ZFR2: variants seen among roughly 807,000 people sequenced by gnomAD.
ZFR2 encodes zinc finger RNA binding protein 2, also known as zinc finger RNA-binding protein 2.
ZFR2 carries 104 observed loss-of-function variants against 105.7 expected under a neutral mutation model. That is an observed-to-expected ratio of 0.98 (90% CI 0.84 to 1.16). The LOEUF (loss-of-function observed/expected upper bound fraction) is 1.16. ZFR2 is among the 50% of genes most tolerant of loss of function. The pLI is 0.00. For missense variants in ZFR2, 1,425 were observed against 1,355.5 expected (o/e 1.05, Z -0.80); for synonymous variants, 634 against 597.7 (o/e 1.06, Z -0.89).
Position 3,821,273 on chromosome 19 carries a change from G to A in ZFR2, c.1631+67C>T, listed in dbSNP as rs575781908. 512 of 1,461,084 alleles carry A rather than the reference G, an allele frequency of 3.5e-4. 3 individuals carry two copies. In the African/African-American group the frequency reaches 6.0e-3, roughly 17 times the overall value. 90.5% of individuals were successfully genotyped at this position (1,461,084 alleles called of 1,614,324 possible). ...AGCTCCGTAATCTGCAGCAGTGGGC[G>A]TCTAGGTTCCACGCTGGACCTGCCC... is the stretch of plus-strand genomic sequence containing the variant. On this transcript the variant is annotated intron_variant, in intron 10 of 18. Coordinates refer to ENST00000262961, the MANE Select transcript of ZFR2 (RefSeq NM_015174.2).
chr19:3,837,408 G>GTGACTGTGGAACTTGATGAACACCA (rs1440828412), intron 1 of ZFR2, among the ~76,000 whole-genome samples: 3 of 150,008 alleles, frequency 2.0e-5, no homozygotes, highest in African/African-American at 7.4e-5. Context: ...GATGAACACC[G>GTGACTGTGGAACTTGATGAACACCA]TGACTGTGGA....
chr19:3,820,094 G>A, intron 11 of ZFR2, 88 bp downstream of exon 11: 2 of 1,307,902 alleles, frequency 1.5e-6, no homozygotes, highest in South Asian at 2.5e-5. Context: ...TGGGAGTTGG[G>A]GGGAGGCCGG....
chr19:3,820,188 T>G lies in ZFR2; in HGVS notation c.1734A>C (p.Pro578=), dbSNP rs2037873833. 6.4e-7 allele frequency: 1 copy of G among 1,551,670 alleles called. No individual in the cohort carries two copies. Among genetic ancestry groups the G allele is most frequent in the Non-Finnish European group, 8.7e-7 (1 of 1,147,520 alleles). ...MGRPESPASA[P]LQPGRRPASS... is the part of the protein sequence containing the mutation. ...CAGAGGAAACTGTACCTACCTGGAG[T>G]GGGGCGCTGGCGGGTGACTCCGGCC... is the stretch of plus-strand genomic sequence containing the variant. The change falls in exon 11 of 19, where the codon CCA becomes CCC. Residue 578 remains proline, a synonymous_variant. Transcript: ENST00000262961.
intron 1 of ZFR2, chr19:3,852,732 AC>A: frequency 1.6e-6 from 1 of 638,234 alleles, no homozygotes; most frequent in South Asian, 1.9e-5. Flanking sequence ...CAGCAAAAAC[AC>A]AGCTCCTGGG....
At chr19:3,855,407 A>G in intron 1 of ZFR2, 1 of 1,231,730 alleles carries the variant, frequency 8.1e-7, no homozygotes, top group Non-Finnish European at 1.0e-6. Context: ...AATACCTGAC[A>G]GAAAGTGAAA....
chr19:3,822,319 C>A (rs2037905561), intron 8 of ZFR2, 119 bp from the exon 9 acceptor site: 12 of 1,455,932 alleles, frequency 8.2e-6, no homozygotes, highest in South Asian at 1.3e-5. Context: ...TTATGTATGT[C>A]TTTTTAGAGA....
intron 13 of ZFR2, among the ~76,000 whole-genome samples, chr19:3,815,310 G>A (rs576282739): frequency 6.6e-6 from 1 of 152,230 alleles, no homozygotes; most frequent in African/African-American, 2.4e-5. Context: ...AGCTGGTCTC[G>A]AACTCCGGAC....
At chr19:3,833,092 G>GA (rs1319268143) in intron 3 of ZFR2, among the ~76,000 whole-genome samples, 1 of 150,970 alleles carries the variant, frequency 6.6e-6, no homozygotes, top group Admixed American at 6.6e-5. Context: ...ACTAAAAATA[G>GA]AAAAAAATTA....
chr19:3,812,636 G>C (rs2037777974), intron 14 of ZFR2, among the ~76,000 whole-genome samples: 1 of 152,070 alleles, frequency 6.6e-6, no homozygotes, highest in African/African-American at 2.4e-5. Flanking sequence ...CTCCGCATTT[G>C]TGTCACAGCC....
intron 5 of ZFR2, among the ~76,000 whole-genome samples, chr19:3,828,832 G>A (rs1384280743): frequency 6.6e-6 from 1 of 152,182 alleles, no homozygotes; most frequent in Non-Finnish European, 1.5e-5. Flanking sequence ...AGTGGGCACT[G>A]CCCCGTCACC....
chr19:3,823,842 C>T lies in ZFR2; in HGVS notation c.1214-439G>A, dbSNP rs914117987. ...AATCATGTTGCTATTCAAGAATCAA[C>T]GCTGCTGAGGCTAAAAATAGAATGT... is the stretch of plus-strand genomic sequence containing the variant. On this transcript the variant is annotated intron_variant, in intron 7 of 18. Coordinates refer to ENST00000262961, the MANE Select transcript of ZFR2 (RefSeq NM_015174.2). This position sits in a 1 kb window ranked among gnomAD's most constrained non-coding sequence, Gnocchi z 5.4. 6.6e-6 allele frequency among the ~76,000 whole-genome samples: 1 copy of T among 152,174 alleles called. No individual in the cohort carries two copies. The highest frequency in any genetic ancestry group is 1.5e-5 in the Non-Finnish European group (1 of 68,042).
chr19:3,819,997 G>T (rs2037871743), intron 11 of ZFR2, among the ~76,000 whole-genome samples, 185 bp downstream of exon 11: 1 of 152,212 alleles, frequency 6.6e-6, no homozygotes, highest in African/African-American at 2.4e-5. Flanking sequence ...GGATCTCTGT[G>T]GCCAGTGGCA....
intron 1 of ZFR2, among the ~76,000 whole-genome samples, chr19:3,866,703 A>C (rs898815642): frequency 1.3e-5 from 2 of 152,236 alleles, no homozygotes; most frequent in South Asian, 4.1e-4. Flanking sequence ...AAAAGAAGGA[A>C]GAGCTAGCAG....
chr19:3,833,262 AAAAAG>A (rs1173656184), intron 3 of ZFR2, among the ~76,000 whole-genome samples: 14 of 130,906 alleles, frequency 1.1e-4, no homozygotes, highest in African/African-American at 2.6e-4. Flanking sequence ...AAAAAAAAAA[AAAAAG>A]AAAAGAAAAG....
At chr19:3,862,488 G>C (rs1389624467) in intron 1 of ZFR2, among the ~76,000 whole-genome samples, 1 of 152,038 alleles carries the variant, frequency 6.6e-6, no homozygotes, top group East Asian at 1.9e-4. Flanking sequence ...AATTGAGATG[G>C]GGTTTCACCA....
intron 10 of ZFR2, among the ~76,000 whole-genome samples, chr19:3,820,829 T>C (rs2037882412): frequency 1.4e-5 from 1 of 70,796 alleles, no homozygotes; most frequent in Admixed American, 1.8e-4. Context: ...ACACTAGAGG[T>C]CGGGGGACAC....
intron 8 of ZFR2, among the ~76,000 whole-genome samples, chr19:3,822,727 C>T (rs1568421780): frequency 6.6e-6 from 1 of 152,044 alleles, no homozygotes; most frequent in Non-Finnish European, 1.5e-5. Context: ...TAAAAGAATC[C>T]CAGGCCTACA....
chr19:3,832,640 T>TA, intron 3 of ZFR2, among the ~76,000 whole-genome samples: 1 of 145,478 alleles, frequency 6.9e-6, no homozygotes, highest in Admixed American at 6.7e-5. Flanking sequence ...TTTTTTTTTT[T>TA]ATTTTTTATT....
At position 3,810,819 on chromosome 19, in the gene ZFR2, G is replaced by T; in HGVS notation, c.2364C>A (p.Cys788Ter). Residue 788 changes from cysteine (C) to a stop codon, truncating the protein, a stop_gained, in exon 16 of 19, where the codon TGC becomes TGA. Coordinates refer to ENST00000262961, the MANE Select transcript of ZFR2 (RefSeq NM_015174.2). LOFTEE classifies it high-confidence loss of function. ...CCCTCAGGACCCTGATGACGATCAC[G>T]CATGGCTGCAGGCCGCTGGCTCGAG... ...FQARASGLQPCVIVIRVLRDL... is the reference protein window; with the variant it reads ...FQARASGLQP The T allele has an allele frequency of 6.4e-7, 1 of 1,550,398 alleles. No homozygotes were observed. The highest frequency in any genetic ancestry group is 1.4e-5 in the African/African-American group (1 of 73,174).
Sources: gnomAD v4.1 joint callset for allele counts (sites outside exome capture counted in the v4.1 genomes callset) on GRCh38, gnomAD v4.1.1 for gene constraint, Gnocchi (gnomAD v3.1) non-coding constraint, MANE v1.5 for transcripts, NCBI Gene and HGNC (gene_info 2026-07-23, HGNC 2026-07-21) for gene names.